CCDC178: variants seen among roughly 807,000 people sequenced by gnomAD.
CCDC178 encodes coiled-coil domain containing 178.
A neutral mutation model predicts 117.4 loss-of-function variants in CCDC178; 126 were observed. That is an observed-to-expected ratio of 1.07 (90% CI 0.93 to 1.24). The LOEUF is 1.24. CCDC178 is among the 50% of genes most tolerant of loss of function. CCDC178 has a pLI of 0.00. For missense variants in CCDC178, 1,030 were observed against 986.9 expected (o/e 1.04, Z -0.59); for synonymous variants, 283 against 313.4 (o/e 0.90, Z 1.02).
chr18:33,031,872 A>G (rs2056350377), intron 21 of CCDC178, among the ~76,000 whole-genome samples: 2 of 152,202 alleles, frequency 1.3e-5, no homozygotes, highest in Admixed American at 6.6e-5. Flanking sequence ...ATTCTTATTT[A>G]TTCACACAAT....
intron 20 of CCDC178, among the ~76,000 whole-genome samples, chr18:33,200,291 G>A (rs897191238): frequency 6.6e-6 from 1 of 152,140 alleles, no homozygotes; most frequent in African/African-American, 2.4e-5. Context: ...GCCATCCTTA[G>A]GCCATTCCCA....
At chr18:33,314,378 A>T (rs2062389926) in intron 11 of CCDC178, among the ~76,000 whole-genome samples, 1 of 152,244 alleles carries the variant, frequency 6.6e-6, no homozygotes, top group East Asian at 1.9e-4. Context: ...GTCTTCGGGT[A>T]AAGTAAAGCA....
Position 33,147,894 on chromosome 18 carries a change from C to T in CCDC178, c.2239-54984G>A, listed in dbSNP as rs192736436. Among the ~76,000 whole-genome samples the T allele has an allele frequency of 7.9e-3, 1,205 of 152,280 alleles. 12 individuals are homozygous for T. The highest frequency in any genetic ancestry group is 0.027 in the African/African-American group (1,117 of 41,560). Reference sequence around the variant, plus strand: ...TGAGCTGTTGGGTACACCTCCCAGACGGGGTGGCTGCCGGGCAGAGGGGCT... The same window carrying T: ...TGAGCTGTTGGGTACACCTCCCAGATGGGGTGGCTGCCGGGCAGAGGGGCT... On this transcript the variant is annotated intron_variant, in intron 20 of 22. Transcript: ENST00000383096.
intron 12 of CCDC178, among the ~76,000 whole-genome samples, chr18:33,272,474 A>G (rs912231233): frequency 5.9e-5 from 9 of 151,674 alleles, no homozygotes; most frequent in Admixed American, 4.6e-4. Flanking sequence ...TAGATGTTAA[A>G]AGATGAATCG....
intron 14 of CCDC178, among the ~76,000 whole-genome samples, chr18:33,250,322 A>G (rs994736105): frequency 2.0e-5 from 3 of 151,728 alleles, no homozygotes; most frequent in Non-Finnish European, 4.4e-5. Context: ...GAAAAACTAA[A>G]TAATTCCAGA....
intron 6 of CCDC178, among the ~76,000 whole-genome samples, chr18:33,366,083 G>A (rs1031670799): frequency 5.3e-5 from 8 of 152,024 alleles, no homozygotes; most frequent in Admixed American, 1.3e-4. Flanking sequence ...AAATCACTGT[G>A]GACAGAAAAT....
At chr18:33,256,067 G>C (rs2059675837) in intron 14 of CCDC178, among the ~76,000 whole-genome samples, 1 of 150,942 alleles carries the variant, frequency 6.6e-6, no homozygotes. Flanking sequence ...ATAAATTTTG[G>C]TAGCATGGGA....
At chr18:33,307,015 T>G (rs2062265382) in intron 11 of CCDC178, among the ~76,000 whole-genome samples, 1 of 152,194 alleles carries the variant, frequency 6.6e-6, no homozygotes, top group Non-Finnish European at 1.5e-5. Context: ...CCCTGTGGAC[T>G]GTGAGTCAGT....
intron 21 of CCDC178, among the ~76,000 whole-genome samples, chr18:33,038,433 T>G (rs535863672): frequency 6.6e-6 from 1 of 152,078 alleles, no homozygotes; most frequent in South Asian, 2.1e-4. Flanking sequence ...TTTTTACCTT[T>G]CATGTCGATA....
chr18:33,415,788 C>T (rs1599293510), intron 2 of CCDC178, among the ~76,000 whole-genome samples: 1 of 152,108 alleles, frequency 6.6e-6, no homozygotes, highest in Non-Finnish European at 1.5e-5. Flanking sequence ...TAGATATACA[C>T]TTTTCCTTAT....
At chr18:33,425,460 T>G (rs566875719) in intron 2 of CCDC178, among the ~76,000 whole-genome samples, 1 of 152,334 alleles carries the variant, frequency 6.6e-6, no homozygotes, top group South Asian at 2.1e-4. Flanking sequence ...ATTTCAATTT[T>G]CTTTCTGCAG....
At chr18:33,288,988 T>C (rs2060134584) in intron 12 of CCDC178, among the ~76,000 whole-genome samples, 2 of 152,286 alleles carry the variant, frequency 1.3e-5, no homozygotes, top group South Asian at 4.1e-4. Flanking sequence ...GAGAAACTCA[T>C]ACTACTATCT....
chr18:33,207,502 C>A (rs1437797053), intron 20 of CCDC178, among the ~76,000 whole-genome samples: 5 of 150,360 alleles, frequency 3.3e-5, no homozygotes, highest in Non-Finnish European at 7.4e-5. Flanking sequence ...ATGATTTTCT[C>A]AGGGAACATT....
intron 11 of CCDC178, among the ~76,000 whole-genome samples, chr18:33,301,903 G>A (rs2062182286): frequency 6.6e-6 from 1 of 152,246 alleles, no homozygotes; most frequent in East Asian, 1.9e-4. Flanking sequence ...TTTGCCATGT[G>A]AGGTGGACAT....
intron 2 of CCDC178, among the ~76,000 whole-genome samples, chr18:33,415,460 C>A (rs1215251497): frequency 1.3e-5 from 2 of 150,974 alleles, no homozygotes; most frequent in East Asian, 3.9e-4. Flanking sequence ...GACAAAAAAA[C>A]AAACACCGCA....
chr18:33,016,206 C>T (rs1439832304), intron 21 of CCDC178, among the ~76,000 whole-genome samples: 1 of 151,672 alleles, frequency 6.6e-6, no homozygotes, highest in African/African-American at 2.4e-5. Flanking sequence ...TCATGAAGGC[C>T]TGAATAATGA....
At chr18:33,243,696 ATAAG>A (rs2059514212) in intron 15 of CCDC178, among the ~76,000 whole-genome samples, 1 of 151,934 alleles carries the variant, frequency 6.6e-6, no homozygotes, top group African/African-American at 2.4e-5. Context: ...CATCTCTTTC[ATAAG>A]TGAGTACCTC....
intron 21 of CCDC178, among the ~76,000 whole-genome samples, chr18:33,039,664 A>G (rs1015735596): frequency 6.6e-6 from 1 of 152,020 alleles, no homozygotes; most frequent in African/African-American, 2.4e-5. Context: ...CTTGAATAGC[A>G]ATTATGAAAA....
intron 21 of CCDC178, among the ~76,000 whole-genome samples, chr18:32,982,891 C>T (rs940705368): frequency 1.3e-5 from 2 of 152,074 alleles, no homozygotes; most frequent in African/African-American, 2.4e-5. Flanking sequence ...ATGGCAGATA[C>T]ATGCCATTAT....
Sources: allele counts gnomAD v4.1 joint callset (sites outside exome capture counted in the v4.1 genomes callset), GRCh38; gene constraint gnomAD v4.1.1; transcripts MANE v1.5; gene names NCBI Gene and HGNC (gene_info 2026-07-23, HGNC 2026-07-21).